Variants in ACOXL observed in about 807,000 individuals in gnomAD.
ACOXL encodes the protein acyl-coenzyme A oxidase-like protein.
Under a neutral mutation model 71.9 loss-of-function variants are expected in ACOXL, and 70 were observed. The ratio of observed to expected loss-of-function variants is 0.97; its 90% confidence interval spans 0.80 to 1.19. ACOXL has a LOEUF of 1.19. Among genes scored for constraint, ACOXL ranks in the 50% most tolerant of loss-of-function variants. The pLI is 0.00. For synonymous variants in ACOXL, 253 were observed against 281.6 expected (o/e 0.90, Z 1.02); for missense variants, 703 against 736.3 (o/e 0.95, Z 0.52).
chr2:110,968,481 A>C (rs990565705), intron 12 of ACOXL: 2 of 1,307,234 alleles, frequency 1.5e-6, no homozygotes, highest in Non-Finnish European at 2.2e-6. Flanking sequence ...AAGAAGATGA[A>C]GATGCTTACA....
Position 110,793,634 on chromosome 2 carries a change from T to A in ACOXL, c.160-16T>A, listed in dbSNP as rs756767156. 7 of 1,610,042 alleles carry A rather than the reference T, an allele frequency of 4.3e-6. No homozygotes were observed. The highest frequency in any genetic ancestry group is 6.0e-6 in the Non-Finnish European group (7 of 1,176,270). ...TGACTGTTGCTAATGATGGTTTGTA[T>A]TGTCCTTGTTTCCAGTGCGGAATAA... On this transcript the variant is annotated splice_polypyrimidine_tract_variant and intron_variant, in intron 3 of 17. Coordinates refer to ENST00000439055, the MANE Select transcript of ACOXL (RefSeq NM_001142807.4).
At chr2:110,740,471 C>T (rs1164391441) in intron 1 of ACOXL, among the ~76,000 whole-genome samples, 2 of 152,198 alleles carry the variant, frequency 1.3e-5, no homozygotes, top group Non-Finnish European at 1.5e-5. Context: ...TGGCAGCCTG[C>T]AGCCCCACAG....
At chr2:110,747,551 G>A (rs1332566280) in intron 1 of ACOXL, among the ~76,000 whole-genome samples, 3 of 152,094 alleles carry the variant, frequency 2.0e-5, no homozygotes, top group East Asian at 1.9e-4. Flanking sequence ...AAAAATAACC[G>A]TCCTCGTTTC....
Position 110,784,797 on chromosome 2 carries a change from C to T in ACOXL, c.141C>T (p.Asp47=), listed in dbSNP as rs367701569. Residue 47 remains aspartate, a synonymous_variant, in exon 3 of 18, where the codon GAC becomes GAT. Coordinates refer to ENST00000439055, the MANE Select transcript of ACOXL (RefSeq NM_001142807.4). The stretch of plus-strand genomic sequence containing the variant: ...TAGGAGAAGTCCTCTCCATGGCGGA[C>T]ATGGCCACAGGAGTGAAGGTGAGAG... The part of the protein sequence containing the change: ...LVIGEVLSMA[D]MATGVKCGII... 1.2e-6 allele frequency: 2 copies of T among 1,607,006 alleles called. No individual in the cohort carries two copies. The highest frequency in any genetic ancestry group is 1.7e-6 in the Non-Finnish European group (2 of 1,177,690).
chr2:110,980,375 G>A (rs2062650202), intron 12 of ACOXL, among the ~76,000 whole-genome samples: 1 of 152,244 alleles, frequency 6.6e-6, no homozygotes. Context: ...AGGTAGGAGA[G>A]CGAAAATGTG....
At chr2:110,994,899 C>T (rs1299851989) in intron 13 of ACOXL, among the ~76,000 whole-genome samples, 1 of 152,096 alleles carries the variant, frequency 6.6e-6, no homozygotes, top group Non-Finnish European at 1.5e-5. Context: ...CTGAGTTCTG[C>T]CTGTGTGACC....
intron 16 of ACOXL, among the ~76,000 whole-genome samples, chr2:111,082,795 C>G (rs2067995960): frequency 6.6e-6 from 1 of 152,224 alleles, no homozygotes; most frequent in East Asian, 1.9e-4. Flanking sequence ...AAATGCCCAC[C>G]AATGATAGAC....
At chr2:111,110,293 T>G (rs1011630676) in intron 17 of ACOXL, among the ~76,000 whole-genome samples, 1 of 152,188 alleles carries the variant, frequency 6.6e-6, no homozygotes, top group Admixed American at 6.5e-5. Context: ...CTGTGCTTAG[T>G]CCACCCACCC....
intron 10 of ACOXL, among the ~76,000 whole-genome samples, chr2:110,907,681 C>T (rs563006316): frequency 4.6e-5 from 7 of 152,164 alleles, no homozygotes; most frequent in East Asian, 1.9e-4. Flanking sequence ...GGTGCTTGCA[C>T]GCGGCCTTCC....
At chr2:111,015,152 A>G (rs955791045) in intron 14 of ACOXL, among the ~76,000 whole-genome samples, 2 of 152,230 alleles carry the variant, frequency 1.3e-5, no homozygotes, top group East Asian at 1.9e-4. Flanking sequence ...TTTCTTCTCT[A>G]AAAGATATCA....
intron 14 of ACOXL, among the ~76,000 whole-genome samples, chr2:111,008,974 C>G (rs2064004535): frequency 6.6e-6 from 1 of 152,142 alleles, no homozygotes; most frequent in Admixed American, 6.5e-5. Context: ...TTGAAGAGTA[C>G]TTTCTACATT....
intron 12 of ACOXL, among the ~76,000 whole-genome samples, chr2:110,983,699 G>C (rs935394409): frequency 6.6e-6 from 1 of 152,160 alleles, no homozygotes; most frequent in Non-Finnish European, 1.5e-5. Context: ...GTAATCACTT[G>C]TGTTGCTGAA....
At position 111,020,960 on chromosome 2, in the gene ACOXL, T is replaced by G. The variant is rs147991357; in HGVS notation, c.1282-10667T>G. Among the ~76,000 whole-genome samples, 628 of 152,330 alleles carry G rather than the reference T, an allele frequency of 4.1e-3. 2 individuals are homozygous for G. Among genetic ancestry groups the G allele is most frequent in the Admixed American group, 8.2e-3 (125 of 15,310 alleles). ...AGTATGTCCTGGTTGCTGGACCCAT[T>G]CATAGCATTATCAATGCCATCGATC... On this transcript the variant is annotated intron_variant, in intron 14 of 17. Coordinates refer to ENST00000439055, the MANE Select transcript of ACOXL (RefSeq NM_001142807.4).
intron 9 of ACOXL, among the ~76,000 whole-genome samples, chr2:110,828,185 T>C (rs1689390645): frequency 6.6e-6 from 1 of 152,202 alleles, no homozygotes. Flanking sequence ...TTGCCCACGC[T>C]GGTCTCAAAT....
chr2:110,937,220 G>C (rs13413838), intron 12 of ACOXL, among the ~76,000 whole-genome samples: 39,838 of 152,054 alleles, frequency 0.26, 6,032 homozygotes, highest in Non-Finnish European at 0.33. Context: ...TGGCATTTCT[G>C]ATGACCAGCC....
intron 2 of ACOXL, among the ~76,000 whole-genome samples, chr2:110,773,525 C>T (rs571595976): frequency 1.4e-4 from 21 of 152,192 alleles, no homozygotes; most frequent in Admixed American, 6.5e-4. Context: ...CCAGCCCCAG[C>T]GAGTGCTGCA....
chr2:110,754,362 A>G (rs1235803730), intron 1 of ACOXL, among the ~76,000 whole-genome samples: 1 of 151,986 alleles, frequency 6.6e-6, no homozygotes, highest in Non-Finnish European at 1.5e-5. Context: ...GTGAGCCACC[A>G]TGCTGCCCAG....
At chr2:110,949,523 T>G (rs1574248347) in intron 12 of ACOXL, among the ~76,000 whole-genome samples, 1 of 152,228 alleles carries the variant, frequency 6.6e-6, no homozygotes, top group East Asian at 1.9e-4. Flanking sequence ...AGAATTCTGC[T>G]GACCCTAACC....
chr2:110,962,855 G>A (rs1320705221), intron 12 of ACOXL, among the ~76,000 whole-genome samples: 1 of 152,218 alleles, frequency 6.6e-6, no homozygotes, highest in African/African-American at 2.4e-5. Flanking sequence ...ATTTGTGGAA[G>A]CAGGCTTGGA....
Sources: allele counts gnomAD v4.1 joint callset (sites outside exome capture counted in the v4.1 genomes callset), GRCh38; gene constraint gnomAD v4.1.1; transcripts MANE v1.5; gene names NCBI Gene and HGNC (gene_info 2026-07-23, HGNC 2026-07-21).